UROS: variants seen among roughly 807,000 people sequenced by gnomAD.
UROS encodes the protein uroporphyrinogen III synthase.
In UROS, 18 loss-of-function variants were observed where a neutral mutation model predicts 33.0. The ratio of observed to expected loss-of-function variants is 0.55; its 90% confidence interval spans 0.38 to 0.81. The LOEUF is 0.81. Ranked by LOEUF, UROS falls within the 30% of genes least tolerant of loss-of-function variation. The pLI, the probability that UROS is intolerant of heterozygous loss-of-function variation, is 0.00. For synonymous variants in UROS, 114 were observed against 121.1 expected (o/e 0.94, Z 0.38); for missense variants, 293 against 314.9 (o/e 0.93, Z 0.53).
At chr10:125,798,749 C>T (rs1474373179) in intron 6 of UROS, among the ~76,000 whole-genome samples, 2 of 152,242 alleles carry the variant, frequency 1.3e-5, no homozygotes, top group Non-Finnish European at 1.5e-5. Flanking sequence ...AACGGCCTGC[C>T]TCTCCTTTCA....
At position 125,815,112 on chromosome 10, in the gene UROS, A is replaced by C; in HGVS notation, c.166T>G (p.Tyr56Asp). 6.2e-7 allele frequency: 1 copy of C among 1,614,182 alleles called. No homozygotes were observed. Among genetic ancestry groups the C allele is most frequent in the African/African-American group, 1.3e-5 (1 of 75,044 alleles). Residue 56 changes from tyrosine (Y) to aspartate (D), a missense_variant, in exon 4 of 10, where the codon TAC (tyrosine) becomes GAC (aspartate). Tyr to Asp is a radical substitution (Grantham distance 160). Transcript: ENST00000368797. ...FSEKLSHPED[Y>D]GGLIFTSPRA... ...GGGCTGGTAAAAATGAGTCCCCCGT[A>C]ATCTTCAGGATGAGAAAGCTGCACA...
At chr10:125,799,985 G>T (rs978186380) in intron 6 of UROS, among the ~76,000 whole-genome samples, 10 of 152,212 alleles carry the variant, frequency 6.6e-5, no homozygotes, top group Non-Finnish European at 1.5e-5. Context: ...GAACTGTGGA[G>T]CTCAAAGGCT....
intron 5 of UROS, among the ~76,000 whole-genome samples, 183 bp downstream of exon 5, chr10:125,812,031 G>C (rs1304234604): frequency 6.6e-6 from 1 of 152,104 alleles, no homozygotes; most frequent in Non-Finnish European, 1.5e-5. Flanking sequence ...AATTTTTAAT[G>C]CCATTTGGAA....
Position 125,788,726 on chromosome 10 carries a change from C to G in UROS, c.*142G>C. On this transcript the variant is annotated 3_prime_UTR_variant, in exon 10 of 10. Coordinates refer to ENST00000368797, the MANE Select transcript of UROS (RefSeq NM_000375.3). ...GGCCAGCCCCAGGTCAGGTCCCGAT[C>G]CCCGGTCCTCAGGTGCTTCCACTCA... The G allele has an allele frequency of 2.8e-6, 4 of 1,440,748 alleles. No individual in the cohort carries two copies. The highest frequency in any genetic ancestry group is 2.7e-6 in the Non-Finnish European group (3 of 1,101,222). 89.2% of individuals were successfully genotyped at this position (1,440,748 alleles called of 1,614,324 possible).
At chr10:125,797,599 G>A (rs1020142861) in intron 7 of UROS, among the ~76,000 whole-genome samples, 4 of 152,224 alleles carry the variant, frequency 2.6e-5, no homozygotes, top group Non-Finnish European at 5.9e-5. Flanking sequence ...GGCAAGAACT[G>A]GTTTCTAGGT....
chr10:125,803,376 G>T (rs1252933237), intron 6 of UROS, among the ~76,000 whole-genome samples: 3 of 152,208 alleles, frequency 2.0e-5, no homozygotes, highest in Admixed American at 2.0e-4. Flanking sequence ...CGTGGAAGCT[G>T]CCTGCCAGCA....
At chr10:125,789,285 T>C in intron 9 of UROS, 1 of 1,380,814 alleles carries the variant, frequency 7.2e-7, no homozygotes, top group East Asian at 2.9e-5. Flanking sequence ...GTGCTCACCA[T>C]CACGGCTGTG....
intron 9 of UROS, chr10:125,792,212 AC>A (rs1415853311): frequency 6.6e-6 from 1 of 152,242 alleles, no homozygotes; most frequent in Non-Finnish European, 1.5e-5. Context: ...CAAATGGCAA[AC>A]ATGACTGTAG....
chr10:125,822,323 T>TTC (rs892572616), intron 1 of UROS, among the ~76,000 whole-genome samples: 4 of 151,334 alleles, frequency 2.6e-5, no homozygotes, highest in Admixed American at 2.0e-4. Flanking sequence ...CGAAGCATTT[T>TTC]TTTTTTTTTT....
chr10:125,806,801 T>C (rs1460859228), intron 6 of UROS, among the ~76,000 whole-genome samples: 1 of 152,168 alleles, frequency 6.6e-6, no homozygotes, highest in African/African-American at 2.4e-5. Context: ...GGAAGGGAGA[T>C]GCACCTTAGA....
chr10:125,785,123 T>C (rs1007465935), downstream of UROS: 1 of 152,226 alleles, frequency 6.6e-6, no homozygotes, highest in Non-Finnish European at 1.5e-5. Flanking sequence ...AAGATAGAAG[T>C]CGATATGTCT....
rs767125021 is a variant in UROS, at chr10:125,804,940, C to A, written c.394+2473G>T. Among the ~76,000 whole-genome samples, 3 of 152,248 alleles carry A rather than the reference C, an allele frequency of 2.0e-5. No homozygotes were observed. In the East Asian group the frequency reaches 5.8e-4, roughly 29 times the overall value. ...TAAACTCCTCTTCAGTCCCAACGCC[C>A]TGCAAAGGGCCTGGCACACAGGTGC... On this transcript the variant is annotated intron_variant, in intron 6 of 9. Transcript: ENST00000368797.
intron 5 of UROS, 56 bp downstream of exon 5, chr10:125,812,135 TAAACTGAGTTAAACTGTTTTTTA>T: frequency 7.2e-7 from 1 of 1,383,056 alleles, no homozygotes; most frequent in Non-Finnish European, 1.0e-6. Flanking sequence ...ATAATATTTT[TAAACTGAGTTAAACTGTTTTTTA>T]AAACTGAAAA....
chr10:125,803,582 C>T (rs1181948121), intron 6 of UROS, among the ~76,000 whole-genome samples: 1 of 152,230 alleles, frequency 6.6e-6, no homozygotes, highest in Non-Finnish European at 1.5e-5. Flanking sequence ...CAGTGACTGC[C>T]TTTTGGGCCC....
intron 9 of UROS, chr10:125,792,241 C>A (rs1182800145): frequency 1.3e-5 from 2 of 152,286 alleles, no homozygotes; most frequent in East Asian, 3.9e-4. Context: ...GCAGGGGTAT[C>A]AACAGTTTGG....
chr10:125,822,308 G>A lies in UROS; in HGVS notation c.-27+721C>T, dbSNP rs1854007045. ...GGTCTTTAACCTAGACTACCCCACTGGCCCCGAAGCATTTTTTTTTTTTTT... is the reference window on the plus strand; with the variant it reads ...GGTCTTTAACCTAGACTACCCCACTAGCCCCGAAGCATTTTTTTTTTTTTT... On this transcript the variant is annotated intron_variant, in intron 1 of 9. Coordinates refer to ENST00000368797, the MANE Select transcript of UROS (RefSeq NM_000375.3). Among the ~76,000 whole-genome samples the A allele has an allele frequency of 2.8e-5, 4 of 143,774 alleles. No individual in the cohort carries two copies. The East Asian group carries it at 6.0e-4, about 21-fold the overall frequency. The allele number at this position is 143,774 out of a possible 152,430, so 94.3% of individuals were successfully genotyped here. A position where few individuals can be genotyped will look rare whatever the true frequency, so the allele number is the denominator to read the frequency against.
At chr10:125,796,938 T>C in intron 7 of UROS, 7 of 819,582 alleles carry the variant, frequency 8.5e-6, no homozygotes, top group Non-Finnish European at 1.0e-5. Flanking sequence ...CCATTTCATA[T>C]CCCTGAAAAC....
chr10:125,808,772 A>G (rs946724294), intron 5 of UROS, among the ~76,000 whole-genome samples: 2 of 152,248 alleles, frequency 1.3e-5, no homozygotes, highest in Admixed American at 6.5e-5. Context: ...GGCCAGCTCT[A>G]TTTGTGAGGG....
intron 8 of UROS, chr10:125,795,263 T>C (rs541226467): frequency 4.2e-6 from 2 of 471,504 alleles, no homozygotes; most frequent in East Asian, 8.6e-5. Flanking sequence ...CCCAGCAGCC[T>C]AGACAATGCC....
Sources: allele counts gnomAD v4.1 joint callset (sites outside exome capture counted in the v4.1 genomes callset), GRCh38; gene constraint gnomAD v4.1.1; transcripts MANE v1.5; gene names NCBI Gene and HGNC (gene_info 2026-07-23, HGNC 2026-07-21).